Variants in PSPC1 observed in about 807,000 individuals in gnomAD.
The protein encoded by PSPC1 is paraspeckle protein 1.
PSPC1 carries 14 observed loss-of-function variants against 51.6 expected under a neutral mutation model. The observed-to-expected ratio is 0.27, with a 90% CI of 0.18 to 0.42. The LOEUF is 0.42. PSPC1 is among the 10% of genes least tolerant of loss of function. The pLI, the probability that PSPC1 is intolerant of heterozygous loss-of-function variation, is 1.00. For missense variants in PSPC1, 406 were observed against 701.1 expected, an observed-to-expected ratio of 0.58 and a Z score of 4.75; for synonymous variants, 193 against 231.9, an observed-to-expected ratio of 0.83 and a Z score of 1.53.
Position 19,761,597 on chromosome 13 carries a change from T to C in PSPC1, c.675-2179A>G, listed in dbSNP as rs75284921. Among the ~76,000 whole-genome samples the C allele has an allele frequency of 2.6e-3, 396 of 152,184 alleles. 10 individuals are homozygous for C. In the East Asian group the frequency reaches 0.051, roughly 19 times the overall value. ...ATAACTTTTCAAAATTATTACTGAG[T>C]TAGTGAAGACATTTTAAGGAAACAG... On this transcript the variant is annotated intron_variant, in intron 2 of 8. Coordinates refer to ENST00000338910, the MANE Select transcript of PSPC1 (RefSeq NM_001354909.2).
intron 5 of PSPC1, among the ~76,000 whole-genome samples, chr13:19,732,921 C>A: frequency 1.1e-5 from 1 of 94,924 alleles, no homozygotes; most frequent in Non-Finnish European, 2.2e-5. Context: ...AGCGAGACTC[C>A]ATCTCAAAAA....
intron 5 of PSPC1, among the ~76,000 whole-genome samples, chr13:19,736,492 G>A (rs910107349): frequency 3.0e-4 from 46 of 152,010 alleles, no homozygotes; most frequent in Non-Finnish European, 5.9e-4. Flanking sequence ...GACCATCCTG[G>A]CTAACACAGT....
intron 3 of PSPC1, among the ~76,000 whole-genome samples, chr13:19,758,944 A>T (rs929288019): frequency 6.6e-6 from 1 of 152,028 alleles, no homozygotes; most frequent in African/African-American, 2.4e-5. Flanking sequence ...CCAGTTATAA[A>T]AGTAGACATT....
chr13:19,745,960 G>A (rs1885930099), intron 4 of PSPC1, among the ~76,000 whole-genome samples: 1 of 148,594 alleles, frequency 6.7e-6, no homozygotes, highest in Non-Finnish European at 1.5e-5. Context: ...TTTATCCTCT[G>A]TTGATTTCTT....
intron 6 of PSPC1, among the ~76,000 whole-genome samples, chr13:19,684,227 A>G (rs1041226567): frequency 2.0e-5 from 3 of 152,340 alleles, no homozygotes; most frequent in African/African-American, 4.8e-5. Context: ...ACATAATAGA[A>G]AAAACAAAAC....
At chr13:19,737,619 T>A (rs6490484) in intron 5 of PSPC1, among the ~76,000 whole-genome samples, 139,361 of 152,168 alleles carry the variant, frequency 0.92, 65,041 homozygotes, top group Non-Finnish European at 1. Flanking sequence ...TATTTTTTCC[T>A]TTTGTATACA....
chr13:19,764,136 G>A (rs1887838598), intron 2 of PSPC1, among the ~76,000 whole-genome samples: 1 of 152,218 alleles, frequency 6.6e-6, no homozygotes, highest in South Asian at 2.1e-4. Flanking sequence ...ATGTTTCATT[G>A]TGAAAAAACT....
At chr13:19,691,269 C>T (rs1227946845) in intron 6 of PSPC1, among the ~76,000 whole-genome samples, 1 of 152,160 alleles carries the variant, frequency 6.6e-6, no homozygotes, top group Non-Finnish European at 1.5e-5. Context: ...ACGTGTGATC[C>T]CAGCACTTTG....
intron 6 of PSPC1, among the ~76,000 whole-genome samples, chr13:19,727,743 AAC>A (rs1483021789): frequency 6.6e-6 from 1 of 152,236 alleles, no homozygotes; most frequent in African/African-American, 2.4e-5. Context: ...AATTATAAAA[AAC>A]AATCTCATAA....
At chr13:19,687,490 AT>A (rs1327693995) in intron 6 of PSPC1, among the ~76,000 whole-genome samples, 2 of 152,128 alleles carry the variant, frequency 1.3e-5, no homozygotes, top group African/African-American at 4.8e-5. Context: ...TCTACTGACA[AT>A]TCTCTAGCCA....
chr13:19,700,791 T>G (rs1879811645), downstream of PSPC1, among the ~76,000 whole-genome samples: 1 of 152,100 alleles, frequency 6.6e-6, no homozygotes, highest in African/African-American at 2.4e-5. Context: ...AGATAGCATA[T>G]ATGACAACTT....
chr13:19,674,405 T>C (rs1369010040), downstream of PSPC1, among the ~76,000 whole-genome samples: 7 of 152,174 alleles, frequency 4.6e-5, no homozygotes, highest in South Asian at 2.1e-4. Context: ...GTGGAGAATC[T>C]TACTCAGTAG....
At chr13:19,671,835 T>C (rs755837789), downstream of PSPC1, 2 of 1,614,104 alleles carry the variant, frequency 1.2e-6, no homozygotes, top group Non-Finnish European at 8.5e-7. Flanking sequence ...TTTCAACAGG[T>C]TAAGTTGCTA....
intron 6 of PSPC1, among the ~76,000 whole-genome samples, chr13:19,720,584 T>C (rs370096556): frequency 2.0e-5 from 3 of 152,210 alleles, no homozygotes; most frequent in East Asian, 3.8e-4. Context: ...TTTAAATACA[T>C]AGTCATTTTT....
intron 6 of PSPC1, among the ~76,000 whole-genome samples, chr13:19,686,583 T>G (rs144228250): frequency 6.6e-6 from 1 of 152,352 alleles, no homozygotes; most frequent in Admixed American, 6.5e-5. Flanking sequence ...GGCTGTTAGA[T>G]GATACTGAGA....
intron 4 of PSPC1, among the ~76,000 whole-genome samples, chr13:19,743,437 G>A (rs774643994): frequency 6.6e-6 from 1 of 151,534 alleles, no homozygotes; most frequent in Non-Finnish European, 1.5e-5. Context: ...GGTAAATATT[G>A]TTCTCCCCAT....
At chr13:19,769,112 C>A (rs1441853592) in intron 2 of PSPC1, among the ~76,000 whole-genome samples, 1 of 150,978 alleles carries the variant, frequency 6.6e-6, no homozygotes, top group Non-Finnish European at 1.5e-5. Context: ...GCACTCCAGC[C>A]TGGGTGACAC....
chr13:19,709,168 A>T (rs571141830), intron 7 of PSPC1, among the ~76,000 whole-genome samples: 151 of 151,450 alleles, frequency 1.0e-3, no homozygotes, highest in African/African-American at 3.6e-3. Flanking sequence ...CAAAAAAAAA[A>T]AAAAAAAAAA....
chr13:19,751,600 A>G, intron 3 of PSPC1, 133 bp from the exon 4 acceptor site: 1 of 511,776 alleles, frequency 2.0e-6, no homozygotes, highest in Non-Finnish European at 3.2e-6. Flanking sequence ...TCGTGACAAT[A>G]TTGTGATTAC....
Sources: allele counts gnomAD v4.1 joint callset (sites outside exome capture counted in the v4.1 genomes callset), GRCh38; gene constraint gnomAD v4.1.1; transcripts MANE v1.5; gene names NCBI Gene and HGNC (gene_info 2026-07-23, HGNC 2026-07-21).